The following SPOCK3 variants were observed in gnomAD, a reference collection of about 807,000 sequenced individuals.
The protein encoded by SPOCK3 is SPARC (osteonectin), cwcv and kazal like domains proteoglycan 3, also known as testican-3.
A neutral mutation model predicts 56.6 loss-of-function variants in SPOCK3; 30 were observed. The ratio of observed to expected loss-of-function variants is 0.53; its 90% confidence interval spans 0.40 to 0.72. The LOEUF (loss-of-function observed/expected upper bound fraction) is 0.72, where lower values mean the gene tolerates loss of function less well. SPOCK3 is among the 30% of genes least tolerant of loss of function. SPOCK3 has a pLI of 0.00. For synonymous variants in SPOCK3, 196 were observed against 183.3 expected (o/e 1.07, Z -0.56); for missense variants, 527 against 530.0 (o/e 0.99, Z 0.06).
intron 6 of SPOCK3, among the ~76,000 whole-genome samples, chr4:166,807,308 T>TAAA (rs372411472): frequency 0.077 from 10,023 of 129,734 alleles, 456 homozygotes; most frequent in Non-Finnish European, 0.11. Flanking sequence ...GCATAAAGCC[T>TAAA]AAAAAAAAAA....
At chr4:167,116,668 A>AC (rs1162348317) in intron 2 of SPOCK3, among the ~76,000 whole-genome samples, 2 of 83,516 alleles carry the variant, frequency 2.4e-5, no homozygotes, top group African/African-American at 4.2e-5. Flanking sequence ...ATACGTATAT[A>AC]GTATATATGT....
At position 166,933,851 on chromosome 4, in the gene SPOCK3, T is replaced by C. The variant is rs189386801; in HGVS notation, c.351-21108A>G. Among the ~76,000 whole-genome samples the C allele has an allele frequency of 9.5e-4, 144 of 152,320 alleles. 2 individuals are homozygous for C. In the East Asian group the frequency reaches 0.022, roughly 23 times the overall value. On this transcript the variant is annotated intron_variant, in intron 4 of 10. Transcript: ENST00000357545. ...GATCTTTCTCCTGCAATGAAATCCA[T>C]GGTGTGTGCAGGTATCTGGCTGGGT...
chr4:166,860,802 C>CATATATATATATAT lies in SPOCK3; in HGVS notation c.589+28314_589+28327dup. On this transcript the variant is annotated intron_variant, in intron 6 of 10. Transcript: ENST00000357545. ...ACACGTGTACATGCACACACAAATT[C>CATATATATATATAT]ATATATATATATATGTATATATATA... Among the ~76,000 whole-genome samples, 406 of 101,908 alleles carry CATATATATATATAT rather than the reference C, an allele frequency of 4.0e-3. 9 individuals are homozygous for CATATATATATATAT. The highest frequency in any genetic ancestry group is 0.012 in the African/African-American group (319 of 26,292). The allele number at this position is 101,908 out of a possible 152,430, so 66.9% of individuals were successfully genotyped here.
intron 4 of SPOCK3, among the ~76,000 whole-genome samples, chr4:166,952,197 C>T (rs1295859782): frequency 7.9e-5 from 12 of 152,002 alleles, no homozygotes; most frequent in Non-Finnish European, 4.4e-5. Context: ...TTGTCTCAGC[C>T]CAAAATCTCC....
chr4:166,998,801 T>A (rs1748658488), intron 4 of SPOCK3, among the ~76,000 whole-genome samples: 1 of 152,150 alleles, frequency 6.6e-6, no homozygotes, highest in Non-Finnish European at 1.5e-5. Flanking sequence ...ATAAACTGAC[T>A]TAGTCTCTGT....
At chr4:166,847,647 T>TTATATACATATATATATATATA (rs1553986753) in intron 6 of SPOCK3, among the ~76,000 whole-genome samples, 2 of 55,368 alleles carry the variant, frequency 3.6e-5, no homozygotes, top group African/African-American at 5.1e-5. Context: ...AAATCCTAGT[T>TTATATACATATATATATATATA]TATATATATA....
At chr4:167,138,698 A>T (rs964920957) in intron 2 of SPOCK3, among the ~76,000 whole-genome samples, 4 of 152,000 alleles carry the variant, frequency 2.6e-5, no homozygotes, top group African/African-American at 9.7e-5. Context: ...TCCCACTGAT[A>T]AGAAAGAGTT....
chr4:166,998,385 A>G (rs1039765257), intron 4 of SPOCK3, among the ~76,000 whole-genome samples: 7 of 152,178 alleles, frequency 4.6e-5, no homozygotes, highest in Admixed American at 2.0e-4. Context: ...ACATTTGGCT[A>G]TCAGTTTCTG....
intron 7 of SPOCK3, among the ~76,000 whole-genome samples, chr4:166,781,040 G>C (rs1250984698): frequency 6.6e-6 from 1 of 152,058 alleles, no homozygotes; most frequent in Non-Finnish European, 1.5e-5. Context: ...GAATAGACTG[G>C]CTCAACTGCC....
intron 6 of SPOCK3, among the ~76,000 whole-genome samples, chr4:166,836,576 A>G (rs1478009503): frequency 6.6e-6 from 1 of 152,048 alleles, no homozygotes; most frequent in Non-Finnish European, 1.5e-5. Flanking sequence ...CTCAGTGAAG[A>G]TTGTTTTTTG....
chr4:166,943,402 A>G (rs1233731351), intron 4 of SPOCK3, among the ~76,000 whole-genome samples: 5 of 152,226 alleles, frequency 3.3e-5, no homozygotes, highest in Non-Finnish European at 5.9e-5. Context: ...AAAGAGATAT[A>G]ATACTTAATA....
At chr4:166,848,328 A>G (rs1276539500) in intron 6 of SPOCK3, among the ~76,000 whole-genome samples, 1 of 152,198 alleles carries the variant, frequency 6.6e-6, no homozygotes, top group Non-Finnish European at 1.5e-5. Flanking sequence ...GGGAAAAAAT[A>G]CTAAAACATT....
chr4:167,163,207 T>A (rs1765475933), intron 2 of SPOCK3, among the ~76,000 whole-genome samples: 1 of 147,428 alleles, frequency 6.8e-6, no homozygotes, highest in East Asian at 2.1e-4. Context: ...TTTTAGGTAA[T>A]CCTCATCATG....
intron 7 of SPOCK3, among the ~76,000 whole-genome samples, chr4:166,755,640 T>C (rs1359427889): frequency 1.3e-5 from 2 of 152,088 alleles, no homozygotes; most frequent in Non-Finnish European, 2.9e-5. Flanking sequence ...CTCAGTTATT[T>C]GCATGGAAAA....
At chr4:166,751,259 T>A (rs962315726) in intron 8 of SPOCK3, among the ~76,000 whole-genome samples, 5 of 152,140 alleles carry the variant, frequency 3.3e-5, no homozygotes, top group African/African-American at 1.2e-4. Context: ...TAATCCCCCA[T>A]GCACTACACT....
At chr4:167,059,328 A>G (rs1162567951) in intron 3 of SPOCK3, among the ~76,000 whole-genome samples, 1 of 152,168 alleles carries the variant, frequency 6.6e-6, no homozygotes, top group East Asian at 1.9e-4. Flanking sequence ...AACCCCATCA[A>G]AAAGTGGGCA....
At position 166,737,545 on chromosome 4, in the gene SPOCK3, T is replaced by C. The variant is rs1448070251; in HGVS notation, c.1054A>G (p.Ser352Gly). The C allele has an allele frequency of 1.2e-6, 2 of 1,613,116 alleles. No homozygotes were observed. Among genetic ancestry groups the C allele is most frequent in the Non-Finnish European group, 1.7e-6 (2 of 1,179,428 alleles). Residue 352 changes from serine to glycine, a missense_variant, in exon 10 of 11, where the codon AGT becomes GGT. Coordinates refer to ENST00000357545, the MANE Select transcript of SPOCK3 (RefSeq NM_001040159.2). ...GYYKPTQCHG[S>G]VGQCWCVDRY... Reference sequence around the variant, plus strand: ...TCAACACACCAGCACTGTCCAACACTGCCATGACATTGTGTTGGCTTGTAG... The same window carrying C: ...TCAACACACCAGCACTGTCCAACACCGCCATGACATTGTGTTGGCTTGTAG...
chr4:166,931,507 T>C (rs1403633838), intron 4 of SPOCK3, among the ~76,000 whole-genome samples: 2 of 152,226 alleles, frequency 1.3e-5, no homozygotes, highest in South Asian at 2.1e-4. Flanking sequence ...TCCCCTGGAA[T>C]ATAAGTTCCT....
chr4:166,942,525 C>A (rs4301146), intron 4 of SPOCK3, among the ~76,000 whole-genome samples: 23,590 of 149,340 alleles, frequency 0.16, 2,653 homozygotes, highest in African/African-American at 0.33. Flanking sequence ...AAAGCAAAGG[C>A]GACATGAACT....
Sources: gnomAD v4.1 joint callset for allele counts (sites outside exome capture counted in the v4.1 genomes callset) on GRCh38, gnomAD v4.1.1 for gene constraint, MANE v1.5 for transcripts, NCBI Gene and HGNC (gene_info 2026-07-23, HGNC 2026-07-21) for gene names.